The following SIL1 variants were observed in gnomAD, a reference collection of about 807,000 sequenced individuals.
SIL1 encodes nucleotide exchange factor SIL1.
Under a neutral mutation model 49.1 loss-of-function variants are expected in SIL1, and 40 were observed. The ratio of observed to expected loss-of-function variants is 0.81; its 90% CI spans 0.63 to 1.06. The LOEUF is 1.06. Ranked by LOEUF, SIL1 falls within the 50% of genes least tolerant of loss-of-function variation. The pLI is 0.00. For synonymous variants in SIL1, 253 were observed against 250.8 expected (o/e 1.01, Z -0.08); for missense variants, 500 against 572.6 (o/e 0.87, Z 1.29).
intron 6 of SIL1, among the ~76,000 whole-genome samples, chr5:139,023,527 G>A (rs1002390054): frequency 6.6e-6 from 1 of 152,220 alleles, no homozygotes; most frequent in African/African-American, 2.4e-5. Context: ...TGGGGCGGAC[G>A]GAGGCCGCTC....
At chr5:139,155,477 G>GAGAGAGAGAGAGA (rs765537884) in intron 1 of SIL1, 4 of 151,556 alleles carry the variant, frequency 2.6e-5, no homozygotes, top group Admixed American at 1.3e-4. Flanking sequence ...GAGAGAGAGA[G>GAGAGAGAGAGAGA]AACGAGCTCT....
chr5:138,946,880 G>A lies in SIL1; in HGVS notation c.*237C>T, dbSNP rs1330304743. On this transcript the variant is annotated 3_prime_UTR_variant, in exon 10 of 10. Coordinates refer to ENST00000394817, the MANE Select transcript of SIL1 (RefSeq NM_022464.5). ...CCTGCCCTGGAGCCTGTTCCTGGAT[G>A]CCCTGGGCTGAGCCCTGCACGTCAG... The A allele has an allele frequency of 1.8e-6, 1 of 565,708 alleles. No homozygotes were observed. The highest frequency in any genetic ancestry group is 3.2e-6 in the Non-Finnish European group (1 of 313,668). 35.0% of individuals were successfully genotyped at this position (565,708 alleles called of 1,614,324 possible). A position where few individuals can be genotyped will look rare whatever the true frequency, so the allele number is the denominator to read the frequency against.
intron 5 of SIL1, among the ~76,000 whole-genome samples, chr5:139,040,897 GT>G (rs1769033819): frequency 6.6e-6 from 1 of 152,140 alleles, no homozygotes; most frequent in Admixed American, 6.6e-5. Context: ...AATTACTGGG[GT>G]GGGGGGAAAT....
intron 1 of SIL1, among the ~76,000 whole-genome samples, chr5:139,177,686 G>A (rs778066011): frequency 1.3e-5 from 2 of 152,160 alleles, no homozygotes; most frequent in East Asian, 1.9e-4. Flanking sequence ...GTCTATACCC[G>A]CCCACCATGC....
At chr5:139,005,143 C>A (rs1338048497) in intron 7 of SIL1, among the ~76,000 whole-genome samples, 1 of 151,940 alleles carries the variant, frequency 6.6e-6, no homozygotes, top group African/African-American at 2.4e-5. Flanking sequence ...GCTCTCACCA[C>A]AAAAATGATA....
At chr5:139,007,963 A>C (rs1056728679) in intron 7 of SIL1, among the ~76,000 whole-genome samples, 8 of 151,940 alleles carry the variant, frequency 5.3e-5, no homozygotes, top group African/African-American at 1.5e-4. Context: ...TATCAGGATG[A>C]TGCTGGCCTC....
intron 2 of SIL1, among the ~76,000 whole-genome samples, chr5:139,124,889 A>T (rs1750723789): frequency 6.6e-6 from 1 of 152,234 alleles, no homozygotes; most frequent in Non-Finnish European, 1.5e-5. Context: ...AGAAAAGCAG[A>T]GCAGAGATTG....
intron 7 of SIL1, among the ~76,000 whole-genome samples, chr5:139,018,439 A>C (rs1400128326): frequency 6.6e-6 from 1 of 151,998 alleles, no homozygotes; most frequent in Non-Finnish European, 1.5e-5. Flanking sequence ...AAATTATAAA[A>C]ATTAGCCAGA....
chr5:139,022,480 G>A (rs1447345874), intron 6 of SIL1: 1 of 152,214 alleles, frequency 6.6e-6, no homozygotes, highest in African/African-American at 2.4e-5. Context: ...GTCTGTCCAC[G>A]CTTGTAGCTC....
chr5:139,141,169 G>A (rs898462974), intron 1 of SIL1, among the ~76,000 whole-genome samples: 5 of 152,126 alleles, frequency 3.3e-5, no homozygotes, highest in East Asian at 1.9e-4. Flanking sequence ...GCTCCACAGC[G>A]GGAGGGACAA....
At chr5:139,169,280 G>A (rs964925525) in intron 1 of SIL1, among the ~76,000 whole-genome samples, 3 of 152,168 alleles carry the variant, frequency 2.0e-5, no homozygotes, top group African/African-American at 4.8e-5. Context: ...ACCTGAGGCT[G>A]ATCCTCAGCA....
intron 1 of SIL1, among the ~76,000 whole-genome samples, chr5:139,130,292 A>G (rs958637873): frequency 6.6e-6 from 1 of 152,134 alleles, no homozygotes; most frequent in Admixed American, 6.6e-5. Context: ...ACTAAAAAAA[A>G]TAAAAAAAAT....
chr5:139,108,516 G>A (rs1770775321), intron 3 of SIL1, among the ~76,000 whole-genome samples: 1 of 152,224 alleles, frequency 6.6e-6, no homozygotes, highest in Admixed American at 6.5e-5. Context: ...CACATGGTGT[G>A]TGTGTCAAGG....
At chr5:139,135,917 A>T (rs1305475247) in intron 1 of SIL1, among the ~76,000 whole-genome samples, 1 of 151,884 alleles carries the variant, frequency 6.6e-6, no homozygotes, top group African/African-American at 2.4e-5. Flanking sequence ...ATACAAAAAA[A>T]TTAGCCGGGT....
At chr5:139,175,334 C>CA (rs112810249) in intron 1 of SIL1, among the ~76,000 whole-genome samples, 26 of 150,306 alleles carry the variant, frequency 1.7e-4, no homozygotes, top group African/African-American at 3.2e-4. Context: ...AACAAACAAA[C>CA]AAAAAAAAAG....
In SIL1 at chr5:139,050,982, T is replaced by A. The variant is rs769589037; in HGVS notation, c.309A>T (p.Lys103Asn). Residue 103 changes from lysine to asparagine, a missense_variant, in exon 4 of 10, where the codon AAA becomes AAT. By Grantham distance (94) the Lys-to-Asn change is moderately conservative (BLOSUM62 0). Transcript: ENST00000394817. ...TTCGGAACTTGTCCTCATATTGGAG[T>A]TTTGCCTCTCTTTCCCCAGTCTGAA... ...LNLQTGEREAKLQYEDKFRNN... is the reference protein window; with the variant it reads ...LNLQTGEREANLQYEDKFRNN... The A allele has an allele frequency of 1.2e-5, 20 of 1,614,018 alleles. No individual in the cohort carries two copies. Among genetic ancestry groups the A allele is most frequent in the Non-Finnish European group, 1.7e-5 (20 of 1,180,036 alleles).
chr5:139,053,455 T>C (rs193047229), intron 3 of SIL1, among the ~76,000 whole-genome samples: 1 of 152,344 alleles, frequency 6.6e-6, no homozygotes, highest in Admixed American at 6.5e-5. Context: ...AACTGTTCTT[T>C]AAAGCGAATG....
At chr5:139,192,120 T>C (rs1417395484) in intron 1 of SIL1, among the ~76,000 whole-genome samples, 1 of 139,186 alleles carries the variant, frequency 7.2e-6, no homozygotes, top group East Asian at 2.1e-4. Flanking sequence ...TGAGGCATGG[T>C]GGTACATGCA....
chr5:139,150,756 G>A lies in SIL1; in HGVS notation c.-10-22903C>T, dbSNP rs1292547056. 3.9e-5 allele frequency among the ~76,000 whole-genome samples: 6 copies of A among 152,182 alleles called. No individual in the cohort carries two copies. In the East Asian group the frequency reaches 7.7e-4, roughly 20 times the overall value. On this transcript the variant is annotated intron_variant, in intron 1 of 9. Coordinates refer to ENST00000394817, the MANE Select transcript of SIL1 (RefSeq NM_022464.5). ...TTCAATAGCAGTAACAAGCTAGAAC[G>A]TGGGCTGCGGGGAAGGTCTGGTGCT...
Sources: gnomAD v4.1 joint callset for allele counts (sites outside exome capture counted in the v4.1 genomes callset) on GRCh38, gnomAD v4.1.1 for gene constraint, MANE v1.5 for transcripts, NCBI Gene and HGNC (gene_info 2026-07-23, HGNC 2026-07-21) for gene names.